The following PCCA variants were observed in gnomAD, a reference collection of about 807,000 sequenced individuals.
The protein encoded by PCCA is propionyl-CoA carboxylase subunit alpha.
PCCA carries 74 observed loss-of-function variants against 101.3 expected under a neutral mutation model. The ratio of observed to expected loss-of-function variants is 0.73; its 90% CI spans 0.61 to 0.89. The LOEUF (loss-of-function observed/expected upper bound fraction) is 0.89, where lower values mean the gene tolerates loss of function less well. PCCA is among the 40% of genes least tolerant of loss of function. The pLI is 0.00. For missense variants in PCCA, 891 were observed against 907.0 expected (o/e 0.98, Z 0.23); for synonymous variants, 294 against 313.6 (o/e 0.94, Z 0.66).
chr13:100,466,800 G>T (rs113828198), intron 21 of PCCA, among the ~76,000 whole-genome samples: 3 of 152,186 alleles, frequency 2.0e-5, no homozygotes, highest in Non-Finnish European at 2.9e-5. Flanking sequence ...GGGGGTTGCA[G>T]TGAGCTGAGA....
intron 6 of PCCA, among the ~76,000 whole-genome samples, chr13:100,190,907 T>A (rs1213314032): frequency 6.6e-6 from 1 of 151,902 alleles, no homozygotes; most frequent in East Asian, 1.9e-4. Context: ...AACAGCCTGG[T>A]CCCATGGTGA....
chr13:100,452,543 G>A (rs946983621), intron 21 of PCCA, among the ~76,000 whole-genome samples: 3 of 152,050 alleles, frequency 2.0e-5, no homozygotes, highest in Non-Finnish European at 4.4e-5. Context: ...ACTTTCTTCC[G>A]GTCTTTACTC....
intron 9 of PCCA, among the ~76,000 whole-genome samples, chr13:100,262,267 C>T (rs1474061238): frequency 6.6e-6 from 1 of 151,982 alleles, no homozygotes; most frequent in Non-Finnish European, 1.5e-5. Context: ...GTGGCACACA[C>T]CTGTATTCCC....
chr13:100,501,404 C>A (rs2085658848), intron 21 of PCCA, among the ~76,000 whole-genome samples: 1 of 152,174 alleles, frequency 6.6e-6, no homozygotes, highest in Non-Finnish European at 1.5e-5. Context: ...TGTCTACTAT[C>A]AGAAAAGCCT....
chr13:100,524,515 G>A (rs538203394), intron 22 of PCCA, among the ~76,000 whole-genome samples: 158 of 151,966 alleles, frequency 1.0e-3, no homozygotes, highest in South Asian at 2.1e-3. Flanking sequence ...TAGGGAAAAC[G>A]GTCTACAAAA....
At position 100,348,727 on chromosome 13, in the gene PCCA, C is replaced by CCTTTCTTTCTTTCTTT. The variant is rs139583993; in HGVS notation, c.1643+8516_1643+8531dup. ...TCAGCTTTTACTTTCCGTTTTTTTT[C>CCTTTCTTTCTTTCTTT]CTTTCTTTCTTTCTTTCTTTCTTTC... On this transcript the variant is annotated intron_variant, in intron 18 of 23. Transcript: ENST00000376285. Among the ~76,000 whole-genome samples, 5 of 99,612 alleles carry CCTTTCTTTCTTTCTTT rather than the reference C, an allele frequency of 5.0e-5. No individual in the cohort carries two copies. In the East Asian group the frequency reaches 8.5e-4, roughly 17 times the overall value. The allele number at this position is 99,612 out of a possible 152,430, so 65.3% of individuals were successfully genotyped here.
chr13:100,113,820 C>T (rs974694524), intron 4 of PCCA, among the ~76,000 whole-genome samples: 1 of 152,084 alleles, frequency 6.6e-6, no homozygotes, highest in Non-Finnish European at 1.5e-5. Context: ...CTCAGGTAAT[C>T]CACCTGCTTT....
intron 1 of PCCA, among the ~76,000 whole-genome samples, chr13:100,102,491 A>G (rs1175487792): frequency 6.6e-6 from 1 of 152,208 alleles, no homozygotes; most frequent in Non-Finnish European, 1.5e-5. Flanking sequence ...AGAATATTTT[A>G]TTATGTTCTG....
At chr13:100,090,875 G>C (rs1045731719) in intron 1 of PCCA, among the ~76,000 whole-genome samples, 1 of 152,234 alleles carries the variant, frequency 6.6e-6, no homozygotes, top group Admixed American at 6.5e-5. Context: ...ACAGGATTTA[G>C]AACTCCAGAA....
intron 4 of PCCA, among the ~76,000 whole-genome samples, chr13:100,125,640 C>G (rs1254647203): frequency 6.6e-6 from 1 of 152,168 alleles, no homozygotes; most frequent in Admixed American, 6.5e-5. Flanking sequence ...AAACAATAGA[C>G]TTTTCATTAA....
intron 19 of PCCA, among the ~76,000 whole-genome samples, chr13:100,416,992 T>C (rs768629415): frequency 1.5e-4 from 22 of 151,712 alleles, no homozygotes; most frequent in African/African-American, 3.6e-4. Context: ...TACAGGCATG[T>C]GCCACCACGC....
At chr13:100,354,114 A>AATG (rs1483482305) in intron 18 of PCCA, among the ~76,000 whole-genome samples, 1 of 142,486 alleles carries the variant, frequency 7.0e-6, no homozygotes, top group Non-Finnish European at 1.5e-5. Flanking sequence ...TAATAATAAT[A>AATG]ATAATAAAAT....
Position 100,201,400 on chromosome 13 carries a change from TA to T in PCCA, c.469-7931del, listed in dbSNP as rs371731803. Among the ~76,000 whole-genome samples, 147 of 152,296 alleles carry T rather than the reference TA, an allele frequency of 9.7e-4. 4 individuals are homozygous for T. The South Asian group carries it at 0.028, about 29-fold the overall frequency. On this transcript the variant is annotated intron_variant, in intron 6 of 23. Transcript: ENST00000376285. ...CTCTGCTAGTACTCATTCTTATTCT[TA>T]TAGTGAGAAAGCAATCACAGACAGT...
At position 100,349,200 on chromosome 13, in the gene PCCA, C is replaced by T. The variant is rs376165813; in HGVS notation, c.1643+8941C>T. Among the ~76,000 whole-genome samples the T allele has an allele frequency of 5.4e-4, 82 of 150,552 alleles. No individual in the cohort carries two copies. In the East Asian group the frequency reaches 8.8e-3, roughly 16 times the overall value. On this transcript the variant is annotated intron_variant, in intron 18 of 23. Transcript: ENST00000376285. ...GTGCGATGGCGCAATCTCAGCTCAC[C>T]GCAACCTCCACCTCCCAGGTTCAAG... is the stretch of plus-strand genomic sequence containing the variant.
intron 7 of PCCA, among the ~76,000 whole-genome samples, chr13:100,217,744 A>G (rs1057208363): frequency 1.3e-5 from 2 of 150,460 alleles, no homozygotes; most frequent in African/African-American, 4.9e-5. Flanking sequence ...AATGTCAGCT[A>G]CTTGGGAGGC....
At chr13:100,444,960 C>T (rs899501021) in intron 20 of PCCA, among the ~76,000 whole-genome samples, 2 of 152,074 alleles carry the variant, frequency 1.3e-5, no homozygotes, top group African/African-American at 4.8e-5. Context: ...AAGGAATACC[C>T]GAGACTGGAT....
At chr13:100,284,971 C>T (rs2064479833) in intron 12 of PCCA, among the ~76,000 whole-genome samples, 1 of 152,232 alleles carries the variant, frequency 6.6e-6, no homozygotes, top group Non-Finnish European at 1.5e-5. Context: ...CAGCAGGCTA[C>T]TCTAGATCTC....
intron 5 of PCCA, among the ~76,000 whole-genome samples, chr13:100,156,108 C>T (rs1031342268): frequency 3.3e-5 from 5 of 152,054 alleles, no homozygotes; most frequent in Admixed American, 2.6e-4. Context: ...GCTCTTGTTG[C>T]CCAGGCCAGA....
At chr13:100,261,747 T>A (rs2062538301) in intron 9 of PCCA, among the ~76,000 whole-genome samples, 1 of 152,208 alleles carries the variant, frequency 6.6e-6, no homozygotes, top group African/African-American at 2.4e-5. Context: ...GGTCCATATT[T>A]TTATTTTAAA....
Sources: gnomAD v4.1 joint callset for allele counts (sites outside exome capture counted in the v4.1 genomes callset) on GRCh38, gnomAD v4.1.1 for gene constraint, MANE v1.5 for transcripts, NCBI Gene and HGNC (gene_info 2026-07-23, HGNC 2026-07-21) for gene names.